Variants in WASHC2A observed in about 807,000 individuals in gnomAD.
WASHC2A encodes the protein WASH complex subunit FAM21A.
Under a neutral mutation model 140.3 loss-of-function variants are expected in WASHC2A, and 82 were observed. The ratio of observed to expected loss-of-function variants is 0.58; its 90% CI spans 0.49 to 0.70. The LOEUF (loss-of-function observed/expected upper bound fraction) is 0.70, where lower values mean the gene tolerates loss of function less well. Ranked by LOEUF, WASHC2A falls within the 30% of genes least tolerant of loss-of-function variation. The pLI is 0.00. For synonymous variants in WASHC2A, 340 were observed against 560.8 expected, an observed-to-expected ratio of 0.61 and a Z score of 5.56; for missense variants, 985 against 1,521.8, an observed-to-expected ratio of 0.65 and a Z score of 5.87.
intron 20 of WASHC2A, among the ~76,000 whole-genome samples, chr10:50,110,812 G>A (rs1842219188): frequency 7.1e-6 from 1 of 140,782 alleles, no homozygotes; most frequent in Non-Finnish European, 1.5e-5. Context: ...AGAATGGCTT[G>A]AACTTGGGAG....
chr10:50,131,051 G>A lies in WASHC2A; in HGVS notation c.3859G>A (p.Ala1287Thr), dbSNP rs1554897087. 6.2e-7 allele frequency: 1 copy of A among 1,611,596 alleles called. No homozygotes were observed. Among genetic ancestry groups the A allele is most frequent in the South Asian group, 1.1e-5 (1 of 90,894 alleles). The change falls in exon 30 of 31, where the codon GCC becomes ACC. Residue 1287 changes from alanine (A) to threonine (T), a missense_variant. Physicochemically the swap from Ala to Thr is moderately conservative, Grantham distance 58. Coordinates refer to ENST00000282633, the MANE Select transcript of WASHC2A (RefSeq NM_001005751.3). Reference protein sequence around the residue: ...PKEKSKKKVEAKSIFDDDMDD... With the variant: ...PKEKSKKKVETKSIFDDDMDD... Reference sequence around the variant, plus strand: ...AGAAAAGTCCAAAAAGAAAGTGGAAGCCAAGTCTATATTTGATGATGATAT... The same window carrying A: ...AGAAAAGTCCAAAAAGAAAGTGGAAACCAAGTCTATATTTGATGATGATAT...
Position 50,104,934 on chromosome 10 carries a change from A to AT in WASHC2A, c.1737+799dup, listed in dbSNP as rs1289114063. 8.7e-3 allele frequency among the ~76,000 whole-genome samples: 1,284 copies of AT among 148,402 alleles called. 21 individuals carry two copies. The highest frequency in any genetic ancestry group is 0.014 in the Non-Finnish European group (934 of 67,104). On this transcript the variant is annotated intron_variant, in intron 18 of 30. Coordinates refer to ENST00000282633, the MANE Select transcript of WASHC2A (RefSeq NM_001005751.3). ...TTCCTGACATATCCAGCTTTTCCTT[A>AT]TTTTTTTTATGATATTTCTAGGCCA...
chr10:50,089,929 G>A (rs1420055880), intron 8 of WASHC2A, among the ~76,000 whole-genome samples: 6 of 151,974 alleles, frequency 3.9e-5, no homozygotes, highest in Non-Finnish European at 5.9e-5. Flanking sequence ...GGCCAACATG[G>A]TGAAACCCCG....
rs1221768130 is a variant in WASHC2A, at chr10:50,121,110, T to C, written c.2478+1341T>C. On this transcript the variant is annotated intron_variant, in intron 23 of 30. Transcript: ENST00000282633. The stretch of plus-strand genomic sequence containing the variant: ...CACAACAATGTCCACTCTTGGTAAT[T>C]CTAATCAACCTTGTACTGGGGATTC... Among the ~76,000 whole-genome samples the C allele has an allele frequency of 2.7e-5, 4 of 149,612 alleles. No homozygotes were observed. The South Asian group carries it at 8.3e-4, about 31-fold the overall frequency.
rs1353604628 is a variant in WASHC2A at position 50,087,141 on chromosome 10, C to A, written c.685-134C>A. ...TACTTAAGGTGACCAGTAGTCAGTA[C>A]AAAGAGACTGAGTGTCAGAGCTTTT... On this transcript the variant is annotated intron_variant, in intron 7 of 30. Transcript: ENST00000282633. 5.2e-5 allele frequency: 62 copies of A among 1,188,510 alleles called. 1 individual carries two copies. Among genetic ancestry groups the A allele is most frequent in the Non-Finnish European group, 7.3e-5 (58 of 794,972 alleles). 73.6% of individuals were successfully genotyped at this position (1,188,510 alleles called of 1,614,324 possible). A position where few individuals can be genotyped will look rare whatever the true frequency, so the allele number is the denominator to read the frequency against.
intron 20 of WASHC2A, among the ~76,000 whole-genome samples, chr10:50,112,998 T>C (rs1484248686): frequency 1.3e-5 from 2 of 151,842 alleles, no homozygotes; most frequent in Non-Finnish European, 2.9e-5. Flanking sequence ...TCGATGAGTA[T>C]ATTAAAGAAA....
At chr10:50,068,037 G>A in intron 1 of WASHC2A, 29 bp downstream of exon 1, 2 of 1,607,654 alleles carry the variant, frequency 1.2e-6, no homozygotes, top group South Asian at 2.2e-5. Flanking sequence ...AGAGAGGCCG[G>A]CCTGGGCTGG....
chr10:50,077,614 A>G lies in WASHC2A; in HGVS notation c.292-1061A>G, dbSNP rs1378426304. ...CACGGCCACTGTCTAATGCCAGAAG[A>G]TTTTCATCAGTTCATTTATATTGAC... On this transcript the variant is annotated intron_variant, in intron 3 of 30. Transcript: ENST00000282633. Among the ~76,000 whole-genome samples, 9 of 152,126 alleles carry G rather than the reference A, an allele frequency of 5.9e-5. No homozygotes were observed. The East Asian group carries it at 1.7e-3, about 29-fold the overall frequency.
intron 4 of WASHC2A, among the ~76,000 whole-genome samples, chr10:50,079,659 A>G (rs1838716799): frequency 6.6e-6 from 1 of 152,232 alleles, no homozygotes. Flanking sequence ...TTGGCCTACC[A>G]AAGTGCTAGG....
chr10:50,110,254 G>T lies in WASHC2A; in HGVS notation c.2023G>T (p.Ala675Ser). The T allele has an allele frequency of 6.2e-7, 1 of 1,611,764 alleles. No homozygotes were observed. ...FEEDEEDDLF[A>S]IAKDSQKKTQ... is the part of the protein sequence containing the mutation. The stretch of plus-strand genomic sequence containing the variant: ...GGAAGACGAAGAAGATGATCTTTTT[G>T]CCATTGCCAAGGACAGGTGAGATAG... Residue 675 changes from alanine (A) to serine (S), a missense_variant, in exon 20 of 31, where the codon GCC becomes TCC. Coordinates refer to ENST00000282633, the MANE Select transcript of WASHC2A (RefSeq NM_001005751.3).
intron 23 of WASHC2A, among the ~76,000 whole-genome samples, chr10:50,124,089 G>T (rs1211996320): frequency 1.4e-5 from 2 of 144,336 alleles, no homozygotes; most frequent in East Asian, 4.6e-4. Flanking sequence ...TAGTTTTTTT[G>T]GTTTTTTTGT....
intron 20 of WASHC2A, chr10:50,112,120 C>T (rs1201788361): frequency 7.1e-6 from 7 of 984,924 alleles, no homozygotes; most frequent in Admixed American, 1.2e-4. Context: ...TACCCCAACA[C>T]CCTCAGCTGA....
At position 50,069,601 on chromosome 10, in the gene WASHC2A, A is replaced by G. The variant is rs1589133451; in HGVS notation, c.181A>G (p.Ile61Val). The G allele has an allele frequency of 6.2e-7, 1 of 1,613,934 alleles. No homozygotes were observed. Residue 61 changes from isoleucine (I) to valine (V), a missense_variant, in exon 3 of 31, where the codon ATC becomes GTC. Physicochemically the swap from Ile to Val is conservative, Grantham distance 29. Coordinates refer to ENST00000282633, the MANE Select transcript of WASHC2A (RefSeq NM_001005751.3). ...SQQTISRTHE[I>V]KKQVDGLIRE... ...GCAAACTATCTCTAGGACCCATGAA[A>G]TCAAGAAACAAGTGGACGGACTAAT... is the stretch of plus-strand genomic sequence containing the variant.
intron 14 of WASHC2A, 108 bp from the exon 15 acceptor site, chr10:50,095,491 G>C (rs1294118717): frequency 6.9e-7 from 1 of 1,456,274 alleles, no homozygotes; most frequent in Non-Finnish European, 9.4e-7. Flanking sequence ...TATGCATTTT[G>C]TGGATTAACT....
chr10:50,068,497 A>G (rs566874736), intron 2 of WASHC2A, among the ~76,000 whole-genome samples: 1 of 151,524 alleles, frequency 6.6e-6, no homozygotes, highest in Admixed American at 6.6e-5. Context: ...TTTCCGCCAC[A>G]CTGAGGGATT....
At chr10:50,096,248 C>CT (rs1840488507) in intron 15 of WASHC2A, among the ~76,000 whole-genome samples, 1 of 11,676 alleles carries the variant, frequency 8.6e-5, no homozygotes. Context: ...ATTCTCCTCT[C>CT]TTTTCCTCTT....
chr10:50,078,916 T>C (rs1838631152), intron 4 of WASHC2A, among the ~76,000 whole-genome samples, 179 bp downstream of exon 4: 1 of 152,204 alleles, frequency 6.6e-6, no homozygotes, highest in Non-Finnish European at 1.5e-5. Flanking sequence ...TATTAACTAA[T>C]ACAGAGATCA....
At position 50,129,785 on chromosome 10, in the gene WASHC2A, G is replaced by A; in HGVS notation, c.3454G>A (p.Ala1152Thr). The A allele has an allele frequency of 6.2e-6, 10 of 1,612,012 alleles. No homozygotes were observed. The highest frequency in any genetic ancestry group is 7.6e-6 in the Non-Finnish European group (9 of 1,179,876). The change falls in exon 29 of 31, where the codon GCA becomes ACA. Residue 1152 changes from alanine to threonine, a missense_variant. Coordinates refer to ENST00000282633, the MANE Select transcript of WASHC2A (RefSeq NM_001005751.3). ...SQSVERTKPK[A>T]KIAENPANPP... Reference sequence around the variant, plus strand: ...GTCTGTGGAGAGAACAAAACCCAAGGCAAAGATAGCAGAGAATCCTGCCAA... The same window carrying A: ...GTCTGTGGAGAGAACAAAACCCAAGACAAAGATAGCAGAGAATCCTGCCAA...
At position 50,069,610 on chromosome 10, in the gene WASHC2A, C is replaced by G; in HGVS notation, c.190C>G (p.Gln64Glu). 1.2e-6 allele frequency: 2 copies of G among 1,613,940 alleles called. No homozygotes were observed. Among genetic ancestry groups the G allele is most frequent in the Non-Finnish European group, 1.7e-6 (2 of 1,179,860 alleles). ...TISRTHEIKK[Q>E]VDGLIRETKA... ...CTCTAGGACCCATGAAATCAAGAAACAAGTGGACGGACTAATTCGGGAAAC... is the reference window on the plus strand; with the variant it reads ...CTCTAGGACCCATGAAATCAAGAAAGAAGTGGACGGACTAATTCGGGAAAC... Residue 64 changes from glutamine to glutamate, a missense_variant, in exon 3 of 31, where the codon CAA (glutamine) becomes GAA (glutamate). Coordinates refer to ENST00000282633, the MANE Select transcript of WASHC2A (RefSeq NM_001005751.3).
Sources: allele counts gnomAD v4.1 joint callset (sites outside exome capture counted in the v4.1 genomes callset), GRCh38; gene constraint gnomAD v4.1.1; transcripts MANE v1.5; gene names NCBI Gene and HGNC (gene_info 2026-07-23, HGNC 2026-07-21).